Variants in STXBP4 observed in about 807,000 individuals in gnomAD.
STXBP4 encodes the protein syntaxin-binding protein 4.
STXBP4 carries 55 observed loss-of-function variants against 76.1 expected under a neutral mutation model. That is an observed-to-expected ratio of 0.72 (90% CI 0.58 to 0.91). The LOEUF is 0.91. Ranked by LOEUF, STXBP4 falls within the 40% of genes least tolerant of loss-of-function variation. STXBP4 has a pLI of 0.00. For synonymous variants in STXBP4, 201 were observed against 220.2 expected (o/e 0.91, Z 0.77); for missense variants, 618 against 636.9 (o/e 0.97, Z 0.32).
chr17:55,085,562 C>G (rs2079315247), intron 16 of STXBP4, among the ~76,000 whole-genome samples: 1 of 151,810 alleles, frequency 6.6e-6, no homozygotes, highest in Non-Finnish European at 1.5e-5. Context: ...CACCATCCCT[C>G]TAGTTTGCCA....
chr17:55,053,305 T>C (rs1364826080), intron 12 of STXBP4, among the ~76,000 whole-genome samples: 3 of 152,086 alleles, frequency 2.0e-5, no homozygotes, highest in Non-Finnish European at 4.4e-5. Context: ...AGGACCATGA[T>C]ATATATAACT....
chr17:55,029,400 G>A (rs72628377), intron 8 of STXBP4, among the ~76,000 whole-genome samples: 7,180 of 151,668 alleles, frequency 0.047, 270 homozygotes, highest in East Asian at 0.2. Flanking sequence ...ACTTTTAACC[G>A]AATATATAGT....
intron 8 of STXBP4, among the ~76,000 whole-genome samples, chr17:55,016,015 G>A (rs535816947): frequency 4.9e-5 from 7 of 142,194 alleles, no homozygotes; most frequent in South Asian, 2.3e-4. Context: ...AAGTCATAGC[G>A]TCTGAGGGTC....
chr17:55,185,290 T>TCTC, the STXBP4 span, among the ~76,000 whole-genome samples: 1 of 90,120 alleles, frequency 1.1e-5, no homozygotes, highest in Non-Finnish European at 2.2e-5. Flanking sequence ...TCCTTCTCCT[T>TCTC]CTCCTTCTCC....
At chr17:55,056,930 A>AT (rs1361653137) in intron 12 of STXBP4, among the ~76,000 whole-genome samples, 1 of 152,198 alleles carries the variant, frequency 6.6e-6, no homozygotes, top group African/African-American at 2.4e-5. Flanking sequence ...ATACTTCAAA[A>AT]TTTTTTCAGT....
intron 17 of STXBP4, among the ~76,000 whole-genome samples, chr17:55,153,685 A>G (rs2080241117): frequency 6.6e-6 from 1 of 152,170 alleles, no homozygotes; most frequent in African/African-American, 2.4e-5. Context: ...ATGGCTTGTA[A>G]TACAATTCTA....
intron 16 of STXBP4, among the ~76,000 whole-genome samples, chr17:55,094,720 T>C (rs1408656569): frequency 2.6e-5 from 4 of 152,170 alleles, no homozygotes; most frequent in Non-Finnish European, 5.9e-5. Flanking sequence ...GGATATTTGC[T>C]TTTTTCATCA....
intron 11 of STXBP4, chr17:55,044,836 T>C (rs78663341): frequency 6.6e-6 from 1 of 152,118 alleles, no homozygotes; most frequent in Non-Finnish European, 1.5e-5. Context: ...CTTTTTTTTT[T>C]ACAACTTGCC....
Position 55,159,852 on chromosome 17 carries a change from T to C in STXBP4, c.1603T>C (p.Ser535Pro). Residue 535 changes from serine (S) to proline (P), a missense_variant, in exon 18 of 18, where the codon TCT becomes CCT. Transcript: ENST00000376352. ...TCCCGTGATGAGTGTCCTGAATCTA[T>C]CTCGCTCAGAGGAGAATGAAGAGGA... ...IHPVMSVLNL[S>P]RSEENEEDCS... 1 of 1,614,024 alleles carries C rather than the reference T, an allele frequency of 6.2e-7. No individual in the cohort carries two copies. Among genetic ancestry groups the C allele is most frequent in the East Asian group, 2.2e-5 (1 of 44,866 alleles).
At chr17:55,094,619 A>T (rs916185104) in intron 16 of STXBP4, among the ~76,000 whole-genome samples, 1 of 152,232 alleles carries the variant, frequency 6.6e-6, no homozygotes, top group African/African-American at 2.4e-5. Flanking sequence ...AGTAAAAAAA[A>T]GTCCGGTAGC....
chr17:55,036,703 C>A (rs900709767), intron 10 of STXBP4, among the ~76,000 whole-genome samples: 1 of 151,572 alleles, frequency 6.6e-6, no homozygotes, highest in Non-Finnish European at 1.5e-5. Flanking sequence ...TGCTAGAAAC[C>A]CTAAATTCAA....
intron 16 of STXBP4, among the ~76,000 whole-genome samples, chr17:55,086,104 A>G (rs2079323686): frequency 6.6e-6 from 1 of 152,158 alleles, no homozygotes; most frequent in Non-Finnish European, 1.5e-5. Flanking sequence ...GTCAAACATG[A>G]TTATTCAAAG....
chr17:54,972,907 A>C (rs143778895), intron 1 of STXBP4, among the ~76,000 whole-genome samples: 21 of 152,316 alleles, frequency 1.4e-4, no homozygotes, highest in African/African-American at 5.1e-4. Context: ...TGGCCCTAGA[A>C]AAGTGAATTC....
chr17:55,109,624 CTTTTTT>C (rs551292679), intron 16 of STXBP4, among the ~76,000 whole-genome samples: 1 of 114,378 alleles, frequency 8.7e-6, no homozygotes. Flanking sequence ...AACTCAATGT[CTTTTTT>C]TTTTTTTTTT....
At chr17:55,005,018 T>G (rs909936562) in intron 7 of STXBP4, among the ~76,000 whole-genome samples, 6 of 152,174 alleles carry the variant, frequency 3.9e-5, no homozygotes, top group Admixed American at 3.9e-4. Context: ...AGGTTTTAAC[T>G]CAAAAGTAAA....
intron 1 of STXBP4, among the ~76,000 whole-genome samples, chr17:54,969,983 A>T (rs953284018): frequency 6.6e-5 from 10 of 152,252 alleles, no homozygotes; most frequent in Admixed American, 5.9e-4. Context: ...GTAGTAAAGT[A>T]AGGACGTTTT....
At chr17:55,022,982 T>G (rs551414072) in intron 8 of STXBP4, among the ~76,000 whole-genome samples, 1 of 152,316 alleles carries the variant, frequency 6.6e-6, no homozygotes, top group Non-Finnish European at 1.5e-5. Flanking sequence ...GAGTGTACAT[T>G]TTTTGACTCT....
At chr17:55,176,550 T>TA (rs2080431604), downstream of STXBP4, among the ~76,000 whole-genome samples, 2 of 152,108 alleles carry the variant, frequency 1.3e-5, no homozygotes, top group Non-Finnish European at 2.9e-5. Flanking sequence ...TAAGCTATGT[T>TA]AAAAAATCTG....
intron 1 of STXBP4, among the ~76,000 whole-genome samples, chr17:54,971,048 A>G (rs2077392555): frequency 6.6e-6 from 1 of 152,216 alleles, no homozygotes; most frequent in African/African-American, 2.4e-5. Context: ...TCAATGTCCA[A>G]TTAACAAACA....
Sources: gnomAD v4.1 joint callset for allele counts (sites outside exome capture counted in the v4.1 genomes callset) on GRCh38, gnomAD v4.1.1 for gene constraint, MANE v1.5 for transcripts, NCBI Gene and HGNC (gene_info 2026-07-23, HGNC 2026-07-21) for gene names.